SGCZ: variants seen among roughly 807,000 people sequenced by gnomAD.
SGCZ encodes the protein zeta-sarcoglycan.
Under a neutral mutation model 41.3 loss-of-function variants are expected in SGCZ, and 40 were observed. The observed-to-expected ratio is 0.97, with a 90% confidence interval of 0.75 to 1.26. The LOEUF is 1.26. SGCZ is among the 50% of genes most tolerant of loss of function. SGCZ has a pLI of 0.00. For synonymous variants in SGCZ, 206 were observed against 137.5 expected (o/e 1.50, Z -3.49); for missense variants, 552 against 369.8 (o/e 1.49, Z -4.04).
At chr8:14,829,907 G>C (rs1435897861) in intron 1 of SGCZ, among the ~76,000 whole-genome samples, 1 of 152,102 alleles carries the variant, frequency 6.6e-6, no homozygotes, top group African/African-American at 2.4e-5. Context: ...CGCCTCCCGG[G>C]TTCACGCCAT....
At chr8:14,442,841 C>G (rs939986368) in intron 2 of SGCZ, among the ~76,000 whole-genome samples, 2 of 152,096 alleles carry the variant, frequency 1.3e-5, no homozygotes, top group African/African-American at 4.8e-5. Flanking sequence ...TCTTTAAGCT[C>G]TGTTATTATT....
chr8:15,201,226 G>A (rs778970631), intron 1 of SGCZ, among the ~76,000 whole-genome samples: 8 of 151,992 alleles, frequency 5.3e-5, no homozygotes, highest in Non-Finnish European at 7.4e-5. Context: ...CATGTTGGCC[G>A]GGCTGGTCTC....
intron 7 of SGCZ, among the ~76,000 whole-genome samples, chr8:14,096,241 G>T (rs1162243408): frequency 6.6e-6 from 1 of 152,214 alleles, no homozygotes; most frequent in Non-Finnish European, 1.5e-5. Context: ...CTGTGGGTTT[G>T]CCATAAATTG....
At chr8:14,962,811 A>G (rs916890508) in intron 1 of SGCZ, among the ~76,000 whole-genome samples, 2 of 152,214 alleles carry the variant, frequency 1.3e-5, no homozygotes, top group Admixed American at 1.3e-4. Flanking sequence ...ATTCGTCGTG[A>G]TAAGATATGC....
At position 14,179,099 on chromosome 8, in the gene SGCZ, A is replaced by G. The variant is rs112824912; in HGVS notation, c.425-14397T>C. 8.2e-3 allele frequency among the ~76,000 whole-genome samples: 1,256 copies of G among 152,316 alleles called. 19 individuals carry two copies. The highest frequency in any genetic ancestry group is 0.029 in the African/African-American group (1,209 of 41,576). On this transcript the variant is annotated intron_variant, in intron 4 of 7. Transcript: ENST00000382080. ...CAGGCAGTAAATGTAAAACAATATT[A>G]TCTGCCAGGGGGACACTCTAAAACC...
chr8:14,625,418 G>A (rs147107740), intron 1 of SGCZ, among the ~76,000 whole-genome samples: 1 of 152,030 alleles, frequency 6.6e-6, no homozygotes, highest in Non-Finnish European at 1.5e-5. Context: ...CAAGACTGCA[G>A]AATATATATT....
At chr8:14,240,524 T>A (rs575523569) in intron 3 of SGCZ, among the ~76,000 whole-genome samples, 50 of 151,608 alleles carry the variant, frequency 3.3e-4, no homozygotes, top group Non-Finnish European at 6.6e-4. Context: ...ATATCTAGAT[T>A]AAAATTTCAC....
At chr8:14,555,112 GT>G (rs1400560760) in intron 1 of SGCZ, among the ~76,000 whole-genome samples, 186 bp from the exon 2 acceptor site, 1 of 151,856 alleles carries the variant, frequency 6.6e-6, no homozygotes. Flanking sequence ...GTTCAATATA[GT>G]TTTTTAGAGA....
chr8:14,266,352 A>G (rs1245294701), intron 3 of SGCZ, among the ~76,000 whole-genome samples: 1 of 152,168 alleles, frequency 6.6e-6, no homozygotes, highest in East Asian at 1.9e-4. Context: ...TGGAATCAAT[A>G]TGATGATAAT....
chr8:15,032,343 A>T (rs1250205380), intron 1 of SGCZ, among the ~76,000 whole-genome samples: 2 of 152,220 alleles, frequency 1.3e-5, no homozygotes, highest in Non-Finnish European at 2.9e-5. Context: ...GGACAGTTTT[A>T]CATGACGCAC....
At chr8:14,951,666 A>G (rs1439724035) in intron 1 of SGCZ, among the ~76,000 whole-genome samples, 2 of 152,060 alleles carry the variant, frequency 1.3e-5, no homozygotes, top group Non-Finnish European at 2.9e-5. Context: ...GTAATTTACA[A>G]TGATCAAATG....
intron 1 of SGCZ, among the ~76,000 whole-genome samples, chr8:14,914,743 T>G (rs892153877): frequency 3.3e-5 from 5 of 152,174 alleles, no homozygotes; most frequent in Non-Finnish European, 5.9e-5. Flanking sequence ...AAAACAGATG[T>G]TCCACAAATA....
chr8:15,116,878 G>T (rs1384398505), intron 1 of SGCZ, among the ~76,000 whole-genome samples: 1 of 152,106 alleles, frequency 6.6e-6, no homozygotes, highest in Non-Finnish European at 1.5e-5. Flanking sequence ...TCTAGAAATG[G>T]TTCAACTACA....
intron 2 of SGCZ, among the ~76,000 whole-genome samples, chr8:14,495,863 G>A (rs1192251808): frequency 6.6e-6 from 1 of 152,050 alleles, no homozygotes; most frequent in Admixed American, 6.6e-5. Flanking sequence ...AGAAAAACAA[G>A]CCCTTCCTGG....
intron 1 of SGCZ, among the ~76,000 whole-genome samples, chr8:14,825,895 T>C (rs1802290647): frequency 6.6e-6 from 1 of 152,250 alleles, no homozygotes; most frequent in Non-Finnish European, 1.5e-5. Context: ...TTCCATTTTA[T>C]GTCTGAATGA....
At chr8:14,563,810 A>T (rs1000939494) in intron 1 of SGCZ, among the ~76,000 whole-genome samples, 3 of 152,204 alleles carry the variant, frequency 2.0e-5, no homozygotes, top group Non-Finnish European at 4.4e-5. Context: ...TCCAAATTTT[A>T]TCACTAAGTA....
intron 1 of SGCZ, among the ~76,000 whole-genome samples, chr8:14,695,499 C>A (rs1403076256): frequency 1.3e-5 from 2 of 151,966 alleles, no homozygotes; most frequent in African/African-American, 4.8e-5. Context: ...GAGTAGGATG[C>A]AACTGGGGTG....
intron 1 of SGCZ, among the ~76,000 whole-genome samples, chr8:14,925,992 G>C (rs1426630727): frequency 6.6e-6 from 1 of 152,186 alleles, no homozygotes; most frequent in East Asian, 1.9e-4. Context: ...TAAACAGATA[G>C]CTGAAGTACA....
At chr8:15,211,863 T>C (rs1047061113) in intron 1 of SGCZ, among the ~76,000 whole-genome samples, 3 of 152,132 alleles carry the variant, frequency 2.0e-5, no homozygotes, top group African/African-American at 7.2e-5. Context: ...AACTGGAAAC[T>C]CATCTTTTTC....
Sources: allele counts gnomAD v4.1 joint callset (sites outside exome capture counted in the v4.1 genomes callset), GRCh38; gene constraint gnomAD v4.1.1; transcripts MANE v1.5; gene names NCBI Gene and HGNC (gene_info 2026-07-23, HGNC 2026-07-21).